SNX9: variants seen among roughly 807,000 people sequenced by gnomAD.
The protein encoded by SNX9 is sorting nexin 9.
A neutral mutation model predicts 89.4 loss-of-function variants in SNX9; 44 were observed. The observed-to-expected ratio is 0.49, with a 90% confidence interval of 0.39 to 0.63. SNX9 has a LOEUF of 0.63. Ranked by LOEUF, SNX9 falls within the 30% of genes least tolerant of loss-of-function variation. The pLI, the probability that SNX9 is intolerant of heterozygous loss-of-function variation, is 0.00. For synonymous variants in SNX9, 236 were observed against 247.8 expected (o/e 0.95, Z 0.45); for missense variants, 578 against 736.1 (o/e 0.79, Z 2.49).
intron 4 of SNX9, 144 bp from the exon 5 acceptor site, chr6:157,896,683 T>C: frequency 1.1e-6 from 1 of 925,180 alleles, no homozygotes; most frequent in South Asian, 1.5e-5. Flanking sequence ...ATTAAAATAT[T>C]ATGTATGTAA....
At chr6:157,904,087 A>T (rs1243537370) in intron 6 of SNX9, among the ~76,000 whole-genome samples, 2 of 152,262 alleles carry the variant, frequency 1.3e-5, no homozygotes, top group African/African-American at 4.8e-5. Context: ...GTCATGGAAC[A>T]TAAATCTTAT....
At chr6:157,847,186 T>G (rs576548352) in intron 1 of SNX9, among the ~76,000 whole-genome samples, 8 of 152,286 alleles carry the variant, frequency 5.3e-5, no homozygotes, top group African/African-American at 1.4e-4. Context: ...CACTGCAGCT[T>G]CCACCTCTTG....
chr6:157,841,747 G>C (rs983567256), intron 1 of SNX9, among the ~76,000 whole-genome samples: 2 of 152,158 alleles, frequency 1.3e-5, no homozygotes, highest in East Asian at 3.8e-4. Flanking sequence ...CTACGACAAG[G>C]TCCCACTTAT....
intron 10 of SNX9, among the ~76,000 whole-genome samples, chr6:157,926,666 C>T (rs1783698101): frequency 6.6e-6 from 1 of 151,102 alleles, no homozygotes; most frequent in Non-Finnish European, 1.5e-5. Flanking sequence ...CCTAAAGTCC[C>T]AGCTACTTGG....
intron 4 of SNX9, chr6:157,885,518 G>T (rs940275469): frequency 6.6e-6 from 1 of 152,150 alleles, no homozygotes; most frequent in Non-Finnish European, 1.5e-5. Context: ...TTAAATTTTT[G>T]TCAGAAATTC....
At chr6:157,825,249 A>G (rs764341847) in intron 1 of SNX9, among the ~76,000 whole-genome samples, 11 of 152,136 alleles carry the variant, frequency 7.2e-5, no homozygotes, top group Non-Finnish European at 1.5e-4. Context: ...CTCCGTTTGA[A>G]AAAAGAAAAG....
intron 2 of SNX9, among the ~76,000 whole-genome samples, chr6:157,870,240 A>G (rs1374300801): frequency 2.1e-5 from 3 of 145,010 alleles, no homozygotes; most frequent in African/African-American, 7.8e-5. Flanking sequence ...ATCCCCTCAG[A>G]CACTCTCACC....
intron 11 of SNX9, among the ~76,000 whole-genome samples, 177 bp from the exon 12 acceptor site, chr6:157,928,422 C>T (rs544673687): frequency 5.9e-5 from 9 of 152,282 alleles, no homozygotes; most frequent in Non-Finnish European, 1.2e-4. Context: ...TATAAATCAG[C>T]GCTTTTTAAG....
intron 7 of SNX9, 26 bp from the exon 8 acceptor site, chr6:157,909,639 T>C: frequency 6.2e-7 from 1 of 1,605,090 alleles, no homozygotes; most frequent in Non-Finnish European, 8.5e-7. Flanking sequence ...GTAACAAAAT[T>C]ACTTCTTTCT....
At chr6:157,867,437 C>A in intron 1 of SNX9, 110 bp from the exon 2 acceptor site, 2 of 774,320 alleles carry the variant, frequency 2.6e-6, no homozygotes, top group Non-Finnish European at 4.2e-6. Context: ...ACAGCCACAG[C>A]CACTATCATG....
chr6:157,843,097 A>G (rs895626923), intron 1 of SNX9, among the ~76,000 whole-genome samples: 3 of 152,184 alleles, frequency 2.0e-5, no homozygotes, highest in African/African-American at 7.2e-5. Context: ...AATTTCCTCA[A>G]TTATAATTTT....
chr6:157,837,723 G>C (rs549416026), intron 1 of SNX9, among the ~76,000 whole-genome samples: 2 of 152,294 alleles, frequency 1.3e-5, no homozygotes, highest in South Asian at 2.1e-4. Context: ...ATGCATGAAG[G>C]CATGGGCATG....
At chr6:157,871,971 T>C (rs1241908268) in intron 2 of SNX9, among the ~76,000 whole-genome samples, 6 of 151,972 alleles carry the variant, frequency 3.9e-5, no homozygotes, top group East Asian at 1.9e-4. Context: ...AAGTATTTAA[T>C]TTTTCTTGGT....
intron 10 of SNX9, among the ~76,000 whole-genome samples, chr6:157,926,773 T>A (rs1339325430): frequency 7.8e-6 from 1 of 128,976 alleles, no homozygotes; most frequent in Admixed American, 8.2e-5. Flanking sequence ...AAAGTGAGAC[T>A]CTGTCTCAAA....
At chr6:157,888,469 G>A (rs1782783119) in intron 4 of SNX9, among the ~76,000 whole-genome samples, 1 of 152,236 alleles carries the variant, frequency 6.6e-6, no homozygotes, top group African/African-American at 2.4e-5. Context: ...GCATGCTAGA[G>A]TTTTCTGGAG....
intron 6 of SNX9, among the ~76,000 whole-genome samples, chr6:157,904,893 C>T (rs1034801507): frequency 6.6e-6 from 1 of 152,136 alleles, no homozygotes; most frequent in Non-Finnish European, 1.5e-5. Flanking sequence ...AATAGAATCA[C>T]AAAATATGCT....
intron 11 of SNX9, among the ~76,000 whole-genome samples, chr6:157,928,391 A>G (rs1039622526): frequency 5.3e-5 from 8 of 152,264 alleles, no homozygotes; most frequent in Admixed American, 1.3e-4. Context: ...TTGTATAGGC[A>G]GAAAGGAAGC....
chr6:157,885,800 A>T (rs1782723530), intron 4 of SNX9, among the ~76,000 whole-genome samples: 1 of 152,148 alleles, frequency 6.6e-6, no homozygotes, highest in Non-Finnish European at 1.5e-5. Flanking sequence ...TAACTGGTGG[A>T]CTTACCAGAT....
At chr6:157,876,344 C>T (rs746027048) in intron 4 of SNX9, among the ~76,000 whole-genome samples, 2 of 152,014 alleles carry the variant, frequency 1.3e-5, no homozygotes, top group Admixed American at 6.6e-5. Context: ...CCAAGCTGCT[C>T]GGGGGGCTGA....
Sources: gnomAD v4.1 joint callset for allele counts (sites outside exome capture counted in the v4.1 genomes callset) on GRCh38, gnomAD v4.1.1 for gene constraint, MANE v1.5 for transcripts, NCBI Gene and HGNC (gene_info 2026-07-23, HGNC 2026-07-21) for gene names.